Variants in LRRC7 observed in about 807,000 individuals in gnomAD.
LRRC7 encodes the protein leucine rich repeat containing 7.
A neutral mutation model predicts 175.7 loss-of-function variants in LRRC7; 23 were observed. The ratio of observed to expected loss-of-function variants is 0.13; its 90% confidence interval spans 0.09 to 0.19. The LOEUF (loss-of-function observed/expected upper bound fraction) is 0.19. LRRC7 is among the 10% of genes least tolerant of loss of function. The pLI is 1.00. For synonymous variants in LRRC7, 685 were observed against 680.9 expected, an observed-to-expected ratio of 1.01 and a Z score of -0.09; for missense variants, 1,354 against 1,904.7, an observed-to-expected ratio of 0.71 and a Z score of 5.38.
chr1:69,634,358 A>G (rs1443940029), intron 1 of LRRC7, among the ~76,000 whole-genome samples: 1 of 152,128 alleles, frequency 6.6e-6, no homozygotes, highest in East Asian at 1.9e-4. Context: ...TGAAAACTTT[A>G]GATAATACAT....
intron 22 of LRRC7, among the ~76,000 whole-genome samples, chr1:70,047,255 T>C (rs1284556534): frequency 6.6e-6 from 1 of 152,156 alleles, no homozygotes; most frequent in Non-Finnish European, 1.5e-5. Flanking sequence ...ACTAGCTATC[T>C]CTAGTTAGAT....
intron 2 of LRRC7, among the ~76,000 whole-genome samples, chr1:69,712,286 A>G (rs1204733565): frequency 3.9e-5 from 6 of 151,994 alleles, no homozygotes; most frequent in Non-Finnish European, 8.8e-5. Flanking sequence ...GTGCTTTAAA[A>G]TTTAATTTTC....
intron 2 of LRRC7, among the ~76,000 whole-genome samples, chr1:69,755,738 A>G (rs1570640503): frequency 6.6e-6 from 1 of 152,050 alleles, no homozygotes; most frequent in East Asian, 1.9e-4. Flanking sequence ...AAACTGACTG[A>G]CAGTCTCTAT....
Position 70,076,243 on chromosome 1 carries a change from G to T in LRRC7, c.4397G>T (p.Gly1466Val). Residue 1466 changes from glycine to valine, a missense_variant, in exon 24 of 27, where the codon GGA (glycine) becomes GTA (valine). This residue lies in a region of LRRC7 where 1,032 missense variants were observed against 1,227.2 expected (regional missense o/e 0.84). Transcript: ENST00000651989. The stretch of plus-strand genomic sequence containing the variant: ...CAGGCCACCCGGGGACCTCAGCCTG[G>T]ACGGTGCTTAATTCAAACTAAAGGG... ...SSQATRGPQPGRCLIQTKGQR... is the reference protein window; with the variant it reads ...SSQATRGPQPVRCLIQTKGQR... 1 of 1,614,104 alleles carries T rather than the reference G, an allele frequency of 6.2e-7. No individual in the cohort carries two copies. The highest frequency in any genetic ancestry group is 8.5e-7 in the Non-Finnish European group (1 of 1,179,992).
Position 69,865,343 on chromosome 1 carries a change from G to C in LRRC7, c.647+27060G>C, listed in dbSNP as rs144914655. Among the ~76,000 whole-genome samples, 5 of 151,934 alleles carry C rather than the reference G, an allele frequency of 3.3e-5. No individual in the cohort carries two copies. The East Asian group carries it at 9.7e-4, about 29-fold the overall frequency. On this transcript the variant is annotated intron_variant, in intron 7 of 26. Coordinates refer to ENST00000651989, the MANE Select transcript of LRRC7 (RefSeq NM_001370785.2). ...TGCCTATCAGAAAAAACGAGCTAAG[G>C]GTAGCTATAAGAATACAGCTAAGGT...
intron 26 of LRRC7, among the ~76,000 whole-genome samples, chr1:70,115,440 T>TTTTTG (rs1553206874): frequency 0.056 from 8,427 of 150,112 alleles, 619 homozygotes; most frequent in African/African-American, 0.18. Context: ...TTTGCCAGGT[T>TTTTTG]TTTTGTTTTG....
chr1:69,862,166 A>G (rs968522278), intron 7 of LRRC7, among the ~76,000 whole-genome samples: 1 of 152,150 alleles, frequency 6.6e-6, no homozygotes, highest in South Asian at 2.1e-4. Context: ...CACCCTTCTC[A>G]TTTATAACAT....
In LRRC7 at chr1:69,999,401, A is replaced by T. The variant is rs561925062; in HGVS notation, c.1004+4768A>T. Among the ~76,000 whole-genome samples the T allele has an allele frequency of 5.5e-4, 84 of 152,180 alleles. 3 individuals carry two copies. Among genetic ancestry groups the T allele is most frequent in the Admixed American group, 1.0e-3 (16 of 15,268 alleles). ...CTGCTCATTCTCATTAAATTTTCAGATGCCACAAAGCCAGAAAAAAATACT... is the reference window on the plus strand; with the variant it reads ...CTGCTCATTCTCATTAAATTTTCAGTTGCCACAAAGCCAGAAAAAAATACT... On this transcript the variant is annotated intron_variant, in intron 11 of 26. Coordinates refer to ENST00000651989, the MANE Select transcript of LRRC7 (RefSeq NM_001370785.2).
rs775496191 is a variant in LRRC7 at position 70,038,585 on chromosome 1, G to C, written c.2761G>C (p.Glu921Gln). The change falls in exon 21 of 27, where the codon GAA (glutamate) becomes CAA (glutamine). Residue 921 changes from glutamate (E) to glutamine (Q), a missense_variant. Physicochemically the swap from Glu to Gln is conservative, Grantham distance 29 (BLOSUM62 2). Around this residue, in one of 4 missense-constraint regions of LRRC7, gnomAD observed 1,032 missense variants for 1,227.2 expected, o/e 0.84. Coordinates refer to ENST00000651989, the MANE Select transcript of LRRC7 (RefSeq NM_001370785.2). ...ERKEHIKEST[E>Q]IPSPFSPGVP... Reference sequence around the variant, plus strand: ...GAAAGAACATATAAAGGAATCTACTGAAATACCTAGTCCTTTTTCTCCAGG... The same window carrying C: ...GAAAGAACATATAAAGGAATCTACTCAAATACCTAGTCCTTTTTCTCCAGG... The C allele has an allele frequency of 6.2e-7, 1 of 1,614,076 alleles. No homozygotes were observed. Among genetic ancestry groups the C allele is most frequent in the South Asian group, 1.1e-5 (1 of 91,084 alleles).
intron 7 of LRRC7, among the ~76,000 whole-genome samples, chr1:69,842,776 A>G (rs911156564): frequency 1.1e-4 from 17 of 152,298 alleles, no homozygotes; most frequent in African/African-American, 4.1e-4. Context: ...GAATATAGAA[A>G]AGTATTAATT....
At chr1:70,071,494 G>T (rs1662384216) in intron 23 of LRRC7, among the ~76,000 whole-genome samples, 1 of 151,922 alleles carries the variant, frequency 6.6e-6, no homozygotes, top group African/African-American at 2.4e-5. Context: ...AAAAAAAAAA[G>T]TTGGGGTGCC....
intron 7 of LRRC7, among the ~76,000 whole-genome samples, chr1:69,875,903 C>A (rs555714722): frequency 1.3e-5 from 2 of 152,092 alleles, no homozygotes; most frequent in East Asian, 3.9e-4. Flanking sequence ...AAAAACGACC[C>A]CTTAAGAAGA....
At chr1:70,081,864 T>A (rs1214620248) in intron 24 of LRRC7, among the ~76,000 whole-genome samples, 1 of 152,154 alleles carries the variant, frequency 6.6e-6, no homozygotes, top group Non-Finnish European at 1.5e-5. Flanking sequence ...CAAGTATACA[T>A]GCAAATTAAA....
intron 7 of LRRC7, among the ~76,000 whole-genome samples, chr1:69,923,572 A>C (rs1040241476): frequency 1.3e-5 from 2 of 152,152 alleles, no homozygotes; most frequent in Non-Finnish European, 2.9e-5. Context: ...GCATTTGTTC[A>C]TGTGTTTTTT....
intron 8 of LRRC7, among the ~76,000 whole-genome samples, chr1:69,952,036 A>C (rs1025096426): frequency 6.6e-6 from 1 of 152,070 alleles, no homozygotes; most frequent in African/African-American, 2.4e-5. Flanking sequence ...TCACTGATGA[A>C]ATTGACCCTA....
intron 2 of LRRC7, among the ~76,000 whole-genome samples, chr1:69,684,511 C>A (rs756440049): frequency 6.6e-6 from 1 of 152,060 alleles, no homozygotes; most frequent in Non-Finnish European, 1.5e-5. Flanking sequence ...ATAGACTCAC[C>A]TTTCCTGATA....
chr1:69,878,994 T>A (rs1044339637), intron 7 of LRRC7, among the ~76,000 whole-genome samples: 2 of 149,970 alleles, frequency 1.3e-5, no homozygotes, highest in Non-Finnish European at 3.0e-5. Flanking sequence ...CATTATACAT[T>A]TGTCCAAACC....
At chr1:69,674,540 A>G (rs1402981994) in intron 1 of LRRC7, among the ~76,000 whole-genome samples, 3 of 152,190 alleles carry the variant, frequency 2.0e-5, no homozygotes, top group Non-Finnish European at 4.4e-5. Flanking sequence ...CAAGGTAACT[A>G]TAAAATTTTG....
In LRRC7 at chr1:70,023,307, G is replaced by T. The variant is rs765167220; in HGVS notation, c.1727G>T (p.Arg576Met). The T allele has an allele frequency of 6.2e-7, 1 of 1,613,596 alleles. No homozygotes were observed. The highest frequency in any genetic ancestry group is 1.7e-5 in the Admixed American group (1 of 59,988). The change falls in exon 17 of 27, where the codon AGG becomes ATG. Residue 576 changes from arginine (R) to methionine (M), a missense_variant. Transcript: ENST00000651989. ...WGCISGLQQERSMCTPLPVAA... is the reference protein window; with the variant it reads ...WGCISGLQQEMSMCTPLPVAA... ...TGTATAAGTGGCCTCCAGCAGGAAA[G>T]GAGCATGTGTACTCCATTGCCAGTT...
Sources: gnomAD v4.1 joint callset for allele counts (sites outside exome capture counted in the v4.1 genomes callset) on GRCh38, gnomAD v4.1.1 for gene constraint, gnomAD v4.1.1 regional missense constraint, MANE v1.5 for transcripts, NCBI Gene and HGNC (gene_info 2026-07-23, HGNC 2026-07-21) for gene names.